The following MTCH1 variants were observed in gnomAD, a reference collection of about 807,000 sequenced individuals.
MTCH1 encodes the protein mitochondrial carrier 1, also known as mitochondrial carrier homolog 1.
Under a neutral mutation model 49.3 loss-of-function variants are expected in MTCH1, and 23 were observed. That is an observed-to-expected ratio of 0.47 (90% CI 0.34 to 0.66). The LOEUF (loss-of-function observed/expected upper bound fraction) is 0.66, where lower values mean the gene tolerates loss of function less well. Among genes scored for constraint, MTCH1 ranks in the 30% least tolerant of loss-of-function variants. The pLI, the probability that MTCH1 is intolerant of heterozygous loss-of-function variation, is 0.01. For synonymous variants in MTCH1, 229 were observed against 215.2 expected, an observed-to-expected ratio of 1.06 and a Z score of -0.56; for missense variants, 397 against 532.1, an observed-to-expected ratio of 0.75 and a Z score of 2.50.
chr6:36,977,738 T>C lies in MTCH1; in HGVS notation c.592-47A>G. 6.5e-7 allele frequency: 1 copy of C among 1,529,846 alleles called. No individual in the cohort carries two copies. The highest frequency in any genetic ancestry group is 8.9e-7 in the Non-Finnish European group (1 of 1,119,128). The allele number at this position is 1,529,846 out of a possible 1,614,324, so 94.8% of individuals were successfully genotyped here. On this transcript the variant is annotated intron_variant, in intron 4 of 11. Coordinates refer to ENST00000373627, the MANE Select transcript of MTCH1 (RefSeq NM_001271641.2). The surrounding 1 kb of genome is among the most constrained non-coding windows in gnomAD (Gnocchi z 5.4). ...GGACTCGCCACCCTCGGCCTGTCTC[T>C]GGAACTGGCCCTCGAGGGGAGCTAC...
chr6:36,970,736 C>G, intron 8 of MTCH1, 42 bp from the exon 9 acceptor site: 1 of 1,601,130 alleles, frequency 6.2e-7, no homozygotes, highest in Non-Finnish European at 8.5e-7. Flanking sequence ...ACAGGCACCT[C>G]AGGATGCAGA....
At chr6:36,969,813 T>C in intron 11 of MTCH1, 14 of 1,490,054 alleles carry the variant, frequency 9.4e-6, no homozygotes, top group Non-Finnish European at 1.2e-5. Flanking sequence ...AAAGGTCTTG[T>C]CTGATGTATA....
At chr6:36,981,517 G>A in intron 2 of MTCH1, 71 bp downstream of exon 2, 1 of 1,460,670 alleles carries the variant, frequency 6.8e-7, no homozygotes, top group Non-Finnish European at 9.5e-7. Context: ...CCCGGGGCCA[G>A]CTGGTCCTGC....
chr6:36,971,967 C>A (rs1339828752), intron 8 of MTCH1, among the ~76,000 whole-genome samples: 1 of 152,214 alleles, frequency 6.6e-6, no homozygotes, highest in African/African-American at 2.4e-5. Context: ...AAGGACCAGG[C>A]CTTCCTATGC....
At chr6:36,983,733 G>C (rs1764191016) in intron 1 of MTCH1, among the ~76,000 whole-genome samples, 1 of 152,058 alleles carries the variant, frequency 6.6e-6, no homozygotes, top group Non-Finnish European at 1.5e-5. Context: ...ACTAATCTAA[G>C]GCACTGCATT....
Position 36,968,607 on chromosome 6 carries a change from C to T in MTCH1, c.*296G>A, listed in dbSNP as rs1359364578. The stretch of plus-strand genomic sequence containing the variant: ...CCAACCTGGGCCCCCATAAGCCATT[C>T]TCTGGCCCTCTGCACAAGACAGACT... On this transcript the variant is annotated 3_prime_UTR_variant, in exon 12 of 12. Coordinates refer to ENST00000373627, the MANE Select transcript of MTCH1 (RefSeq NM_001271641.2). 1 of 459,502 alleles carries T rather than the reference C, an allele frequency of 2.2e-6. No homozygotes were observed. Among genetic ancestry groups the T allele is most frequent in the African/African-American group, 2.0e-5 (1 of 50,464 alleles). 28.5% of individuals were successfully genotyped at this position (459,502 alleles called of 1,614,324 possible). A position where few individuals can be genotyped will look rare whatever the true frequency, so the allele number is the denominator to read the frequency against.
chr6:36,969,986 T>C (rs757436793), intron 11 of MTCH1, 53 bp downstream of exon 11: 9 of 1,604,322 alleles, frequency 5.6e-6, no homozygotes, highest in Admixed American at 1.7e-5. Context: ...CCATTTCAGC[T>C]GAAGGATGTA....
At position 36,970,088 on chromosome 6, in the gene MTCH1, G is replaced by T; in HGVS notation, c.1049C>A (p.Ser350Tyr). ...CGLQAGLPPY[S>Y]PVFKSWIHCW... ...GTGAATCCAGGATTTGAACACTGGG[G>T]AGTAAGGGGGGAGCCCAGCTTGCAG... The change falls in exon 11 of 12, where the codon TCC becomes TAC. Residue 350 changes from serine to tyrosine, a missense_variant. By Grantham distance (144) the Ser-to-Tyr change is moderately radical. This residue lies in a region of MTCH1 where 252 missense variants were observed against 388.3 expected (regional missense o/e 0.65). Coordinates refer to ENST00000373627, the MANE Select transcript of MTCH1 (RefSeq NM_001271641.2). The T allele has an allele frequency of 6.2e-7, 1 of 1,614,160 alleles. No individual in the cohort carries two copies. Among genetic ancestry groups the T allele is most frequent in the Non-Finnish European group, 8.5e-7 (1 of 1,180,016 alleles).
chr6:36,976,425 G>A (rs577202147), intron 6 of MTCH1: 19 of 423,764 alleles, frequency 4.5e-5, no homozygotes, highest in Middle Eastern at 4.7e-4. Context: ...GATCATCCCA[G>A]CCCTGCCAGG....
chr6:36,976,531 C>T (rs1312243034), intron 6 of MTCH1: 3 of 471,020 alleles, frequency 6.4e-6, no homozygotes, highest in Non-Finnish European at 1.3e-5. Context: ...GGCCAATTTC[C>T]CATTAATGAC....
chr6:36,969,427 T>C, intron 11 of MTCH1: 1 of 1,063,988 alleles, frequency 9.4e-7, no homozygotes, highest in Non-Finnish European at 1.1e-6. Flanking sequence ...GCGAGGCAAA[T>C]CAAGGCCAGG....
chr6:36,969,071 G>C, intron 11 of MTCH1, 97 bp from the exon 12 acceptor site: 1 of 1,522,436 alleles, frequency 6.6e-7, no homozygotes. Context: ...GGGTCCAGGA[G>C]CTCAAAGACC....
intron 2 of MTCH1, among the ~76,000 whole-genome samples, chr6:36,981,191 C>A (rs999968334): frequency 6.6e-6 from 1 of 152,096 alleles, no homozygotes; most frequent in Non-Finnish European, 1.5e-5. Context: ...CTCAAGAGGA[C>A]CCCCCGGGCC....
rs546368662 is a variant in MTCH1 at position 36,969,585 on chromosome 6, A to T, written c.1098+454T>A. Reference sequence around the variant, plus strand: ...TTCCCCACGTGGCCCAGCCCCACCCACAGGCTCTCCTGGGCCCAGGAATGT... The same window carrying T: ...TTCCCCACGTGGCCCAGCCCCACCCTCAGGCTCTCCTGGGCCCAGGAATGT... On this transcript the variant is annotated intron_variant, in intron 11 of 11. Transcript: ENST00000373627. 3.4e-6 allele frequency: 4 copies of T among 1,168,882 alleles called. No individual in the cohort carries two copies. In the South Asian group the frequency reaches 5.2e-5, roughly 15 times the overall value. 72.4% of individuals were successfully genotyped at this position (1,168,882 alleles called of 1,614,324 possible).
chr6:36,980,939 T>C (rs908467781), intron 2 of MTCH1, among the ~76,000 whole-genome samples: 1 of 152,066 alleles, frequency 6.6e-6, no homozygotes, highest in African/African-American at 2.4e-5. Flanking sequence ...TTGATGACAG[T>C]TGGGGAGCTT....
intron 11 of MTCH1, chr6:36,969,642 C>T: frequency 8.4e-7 from 1 of 1,189,580 alleles, no homozygotes; most frequent in East Asian, 5.8e-5. Context: ...TTTCCAATGC[C>T]AGCCGCCCTA....
In MTCH1 at chr6:36,978,721, T is replaced by TACAGGCACAGAAGGTAACATCTGTCC. The variant is rs1349943808; in HGVS notation, c.407-136_407-111dup. The TACAGGCACAGAAGGTAACATCTGTCC allele has an allele frequency of 5.7e-4, 501 of 871,628 alleles. 3 individuals carry two copies. The East Asian group carries it at 0.013, about 22-fold the overall frequency. The allele number at this position is 871,628 out of a possible 1,614,324, so 54.0% of individuals were successfully genotyped here. ...GCTTGTCCTTCAGGTAACTGCTGAC[T>TACAGGCACAGAAGGTAACATCTGTCC]ACAGGCACAGAAGGTAACATCTGTC... On this transcript the variant is annotated intron_variant, in intron 2 of 11. Coordinates refer to ENST00000373627, the MANE Select transcript of MTCH1 (RefSeq NM_001271641.2).
At position 36,968,554 on chromosome 6, in the gene MTCH1, G is replaced by A; in HGVS notation, c.*349C>T. The A allele has an allele frequency of 2.7e-6, 1 of 377,342 alleles. No homozygotes were observed. The highest frequency in any genetic ancestry group is 3.6e-5 in the Admixed American group (1 of 28,020). 23.4% of individuals were successfully genotyped at this position (377,342 alleles called of 1,614,324 possible). A position where few individuals can be genotyped will look rare whatever the true frequency, so the allele number is the denominator to read the frequency against. ...GCTGACTGGAGGGGTAGACGGGGTG[G>A]GGTCTGACCCCATTAGCCTTTCCCC... On this transcript the variant is annotated 3_prime_UTR_variant, in exon 12 of 12. Coordinates refer to ENST00000373627, the MANE Select transcript of MTCH1 (RefSeq NM_001271641.2).
chr6:36,975,361 T>G (rs1763834839), intron 7 of MTCH1, among the ~76,000 whole-genome samples: 1 of 152,234 alleles, frequency 6.6e-6, no homozygotes, highest in Admixed American at 6.5e-5. Flanking sequence ...TGCAGTGACT[T>G]AGCTCATGAA....
Sources: gnomAD v4.1 joint callset for allele counts (sites outside exome capture counted in the v4.1 genomes callset) on GRCh38, gnomAD v4.1.1 for gene constraint, gnomAD v4.1.1 regional missense constraint, Gnocchi (gnomAD v3.1) non-coding constraint, MANE v1.5 for transcripts, NCBI Gene and HGNC (gene_info 2026-07-23, HGNC 2026-07-21) for gene names.